Variants in TTLL9 observed in about 807,000 individuals in gnomAD.
The protein encoded by TTLL9 is tubulin tyrosine ligase like 9, also known as probable tubulin polyglutamylase TTLL9.
A neutral mutation model predicts 65.6 loss-of-function variants in TTLL9; 47 were observed. The observed-to-expected ratio is 0.72, with a 90% CI of 0.57 to 0.91. TTLL9 has a LOEUF of 0.91. Among genes scored for constraint, TTLL9 ranks in the 40% least tolerant of loss-of-function variants. TTLL9 has a pLI of 0.00. For synonymous variants in TTLL9, 179 were observed against 204.8 expected, an observed-to-expected ratio of 0.87 and a Z score of 1.07; for missense variants, 537 against 568.8, an observed-to-expected ratio of 0.94 and a Z score of 0.57.
intron 6 of TTLL9, among the ~76,000 whole-genome samples, chr20:31,910,577 G>T (rs2063631908): frequency 6.6e-6 from 1 of 152,212 alleles, no homozygotes; most frequent in Non-Finnish European, 1.5e-5. Flanking sequence ...ACACTTACTA[G>T]CTGTGTGGCC....
At chr20:31,934,546 T>G in intron 11 of TTLL9, 146 bp from the exon 12 acceptor site, 1 of 747,242 alleles carries the variant, frequency 1.3e-6, no homozygotes, top group East Asian at 2.7e-5. Context: ...GGGGCACACC[T>G]GGGGTCATCC....
chr20:31,899,106 G>A (rs1421372775), intron 4 of TTLL9, among the ~76,000 whole-genome samples: 5 of 152,232 alleles, frequency 3.3e-5, no homozygotes, highest in African/African-American at 1.2e-4. Context: ...TGTATGCAAT[G>A]GAAACCCAAA....
At chr20:31,935,484 A>G (rs1345188472) in intron 12 of TTLL9, among the ~76,000 whole-genome samples, 5 of 152,164 alleles carry the variant, frequency 3.3e-5, no homozygotes, top group African/African-American at 1.2e-4. Context: ...GCTGCTCCCC[A>G]CCAGCACTGC....
At position 31,943,827 on chromosome 20, in the gene TTLL9, A is replaced by G. The variant is rs1485731753; in HGVS notation, c.*806A>G. 1 of 456,690 alleles carries G rather than the reference A, an allele frequency of 2.2e-6. No homozygotes were observed. The highest frequency in any genetic ancestry group is 2.0e-5 in the African/African-American group (1 of 50,190). The allele number at this position is 456,690 out of a possible 1,614,324, so 28.3% of individuals were successfully genotyped here. On this transcript the variant is annotated 3_prime_UTR_variant, in exon 15 of 15. Coordinates refer to ENST00000535842, the MANE Select transcript of TTLL9 (RefSeq NM_001008409.5). ...GGAAAACCCTGGGCTCATGGGCAGG[A>G]CAGCTTCGGGAGTTGAGTGTGAGTA...
chr20:31,901,386 T>C (rs1193939521), intron 4 of TTLL9: 4 of 152,342 alleles, frequency 2.6e-5, no homozygotes, highest in South Asian at 4.1e-4. Flanking sequence ...TAATTTATGA[T>C]GGTCGGAGAC....
At position 31,909,898 on chromosome 20, in the gene TTLL9, AG is replaced by A; in HGVS notation, c.482del (p.Gly161GlufsTer6). The A allele has an allele frequency of 6.6e-7, 1 of 1,522,888 alleles. No homozygotes were observed. 94.3% of individuals were successfully genotyped at this position (1,522,888 alleles called of 1,614,324 possible). On this transcript the variant is annotated frameshift_variant, in exon 6 of 15. Transcript: ENST00000535842. LOFTEE classifies it high-confidence loss of function. The stretch of plus-strand genomic sequence containing the variant: ...TTGTAGAGGAGTTTCGCAAAAACCC[AG>A]GAATCACCTGGATCATGAAGCCTGT... Reference protein sequence around the residue: ...LFVEEFRKNPGITWIMKPVAR... With the variant: ...LFVEEFRKNPXITWIMKPVAR...
At chr20:31,898,614 T>A in intron 4 of TTLL9, 49 bp downstream of exon 4, 1 of 1,537,956 alleles carries the variant, frequency 6.5e-7, no homozygotes, top group Non-Finnish European at 9.0e-7. Context: ...GTCTCACAGG[T>A]CCTTGTCTTC....
intron 2 of TTLL9, among the ~76,000 whole-genome samples, chr20:31,874,305 C>T (rs539187559): frequency 6.6e-6 from 1 of 151,996 alleles, no homozygotes; most frequent in East Asian, 1.9e-4. Context: ...ATGGTCCCCC[C>T]AAAGGTGTTT....
At chr20:31,899,855 C>T (rs1386665832) in intron 4 of TTLL9, among the ~76,000 whole-genome samples, 1 of 152,010 alleles carries the variant, frequency 6.6e-6, no homozygotes, top group Non-Finnish European at 1.5e-5. Context: ...AGCTCCACCT[C>T]CCAGGTTCAC....
chr20:31,873,967 G>A (rs1480588735), intron 2 of TTLL9, among the ~76,000 whole-genome samples: 2 of 152,228 alleles, frequency 1.3e-5, no homozygotes, highest in Admixed American at 6.5e-5. Flanking sequence ...TCCTAGGCGG[G>A]TGAGCCAATG....
At chr20:31,939,119 C>A (rs1351197801) in intron 13 of TTLL9, 23 bp from the exon 14 acceptor site, 1 of 1,556,926 alleles carries the variant, frequency 6.4e-7, no homozygotes, top group Non-Finnish European at 8.7e-7. Flanking sequence ...TTCATTAACC[C>A]TGTGGGCCTC....
rs750186575 is a variant in TTLL9 at position 31,938,144 on chromosome 20, T to C, written c.1118+635T>C. On this transcript the variant is annotated intron_variant, in intron 13 of 14. Coordinates refer to ENST00000535842, the MANE Select transcript of TTLL9 (RefSeq NM_001008409.5). ...TCTCCCTCTCCCTCCCTCCCTTCTC[T>C]TTCCTCTGTATTAGCTTTTCCCCGA... 101 of 436,980 alleles carry C rather than the reference T, an allele frequency of 2.3e-4. 2 individuals are homozygous for C. The highest frequency in any genetic ancestry group is 1.6e-3 in the South Asian group (100 of 62,980). The allele number at this position is 436,980 out of a possible 1,614,324, so 27.1% of individuals were successfully genotyped here.
intron 3 of TTLL9, among the ~76,000 whole-genome samples, chr20:31,891,774 A>G (rs1476305279): frequency 6.6e-6 from 1 of 152,230 alleles, no homozygotes; most frequent in Non-Finnish European, 1.5e-5. Flanking sequence ...AACAATGTGT[A>G]CCATATTAAA....
At chr20:31,904,146 G>A (rs1273979473) in intron 4 of TTLL9, among the ~76,000 whole-genome samples, 1 of 152,126 alleles carries the variant, frequency 6.6e-6, no homozygotes, top group Non-Finnish European at 1.5e-5. Flanking sequence ...AACTCATCGG[G>A]GGTTTGTGAT....
At chr20:31,916,569 A>C (rs2063736495) in intron 6 of TTLL9, among the ~76,000 whole-genome samples, 1 of 152,302 alleles carries the variant, frequency 6.6e-6, no homozygotes, top group Middle Eastern at 3.4e-3. Context: ...ACAGAACAAG[A>C]AGGCTGAGGG....
At position 31,924,935 on chromosome 20, in the gene TTLL9, A is replaced by G. The variant is rs1210599943; in HGVS notation, c.665-74A>G. ...CGGGGTTTCCTGTCTGTCCACTGCT[A>G]TTTTCCCAAAACCTAGCACAATGTC... On this transcript the variant is annotated intron_variant, in intron 8 of 14. Coordinates refer to ENST00000535842, the MANE Select transcript of TTLL9 (RefSeq NM_001008409.5). The G allele has an allele frequency of 5.1e-6, 8 of 1,562,062 alleles. No individual in the cohort carries two copies. In the East Asian group the frequency reaches 1.6e-4, roughly 31 times the overall value.
At position 31,943,606 on chromosome 20, in the gene TTLL9, G is replaced by C. The variant is rs1281251452; in HGVS notation, c.*585G>C. 2.6e-6 allele frequency: 1 copy of C among 385,060 alleles called. No homozygotes were observed. The highest frequency in any genetic ancestry group is 5.1e-6 in the Non-Finnish European group (1 of 195,062). 23.9% of individuals were successfully genotyped at this position (385,060 alleles called of 1,614,324 possible). A position where few individuals can be genotyped will look rare whatever the true frequency, so the allele number is the denominator to read the frequency against. ...ACATCCTCTTCTCCTTGCATGTCAG[G>C]GGAGCCCATGGGGCTCCCTGACCAT... On this transcript the variant is annotated 3_prime_UTR_variant, in exon 15 of 15. Transcript: ENST00000535842.
intron 2 of TTLL9, among the ~76,000 whole-genome samples, chr20:31,881,958 A>T (rs1033729942): frequency 6.6e-6 from 1 of 152,088 alleles, no homozygotes; most frequent in Non-Finnish European, 1.5e-5. Context: ...TGATGCTATG[A>T]ATTTTGTTTT....
At chr20:31,889,978 CTTTCTTTCTTTCTTTCTTTCTTTCTT>C (rs1568751721) in intron 3 of TTLL9, among the ~76,000 whole-genome samples, 25 of 60,820 alleles carry the variant, frequency 4.1e-4, no homozygotes, top group African/African-American at 2.2e-3. Flanking sequence ...CTCTCTCTTT[CTTTCTTTCTTTCTTTCTTTCTTTCTT>C]TCTTTCTTTC....
Sources: gnomAD v4.1 joint callset for allele counts (sites outside exome capture counted in the v4.1 genomes callset) on GRCh38, gnomAD v4.1.1 for gene constraint, MANE v1.5 for transcripts, NCBI Gene and HGNC (gene_info 2026-07-23, HGNC 2026-07-21) for gene names.